RANBP9: variants seen among roughly 807,000 people sequenced by gnomAD.
RANBP9 encodes ran-binding protein 9.
A neutral mutation model predicts 84.3 loss-of-function variants in RANBP9; 15 were observed. The observed-to-expected ratio is 0.18, with a 90% confidence interval of 0.12 to 0.27. The LOEUF (loss-of-function observed/expected upper bound fraction) is 0.27, where lower values mean the gene tolerates loss of function less well. RANBP9 is among the 10% of genes least tolerant of loss of function. The probability of loss-of-function intolerance (pLI) is 1.00; values close to 1 mark genes in which losing one functional copy is unlikely to be tolerated. For synonymous variants in RANBP9, 392 were observed against 349.6 expected (o/e 1.12, Z -1.35); for missense variants, 809 against 912.8 (o/e 0.89, Z 1.46).
At chr6:13,672,015 G>A (rs1022009675) in intron 2 of RANBP9, among the ~76,000 whole-genome samples, 2 of 152,062 alleles carry the variant, frequency 1.3e-5, no homozygotes, top group Non-Finnish European at 2.9e-5. Flanking sequence ...GCCAATAACT[G>A]GAAGGAACAC....
intron 4 of RANBP9, 45 bp from the exon 5 acceptor site, chr6:13,652,726 C>T: frequency 6.7e-7 from 1 of 1,502,124 alleles, no homozygotes; most frequent in Non-Finnish European, 9.1e-7. Context: ...TTTTTCAAAG[C>T]AGACTATACT....
chr6:13,686,725 G>A (rs1341918649), intron 2 of RANBP9, among the ~76,000 whole-genome samples: 2 of 152,168 alleles, frequency 1.3e-5, no homozygotes, highest in Non-Finnish European at 2.9e-5. Flanking sequence ...AATTGGCAGT[G>A]TATTACTTTT....
At chr6:13,623,085 A>T (rs1370601668) in intron 13 of RANBP9, among the ~76,000 whole-genome samples, 1 of 152,176 alleles carries the variant, frequency 6.6e-6, no homozygotes, top group Non-Finnish European at 1.5e-5. Flanking sequence ...TCAGACATTT[A>T]AAAAAATGCC....
intron 2 of RANBP9, among the ~76,000 whole-genome samples, chr6:13,677,329 T>A (rs1034911659): frequency 5.9e-5 from 9 of 152,092 alleles, no homozygotes; most frequent in African/African-American, 2.2e-4. Context: ...ACTATAAAAC[T>A]GCTGAAATAC....
rs376904858 is a variant in RANBP9 at position 13,710,954 on chromosome 6, G to A, written c.552C>T (p.Asn184=). The A allele has an allele frequency of 7.5e-6, 12 of 1,609,266 alleles. No homozygotes were observed. In the South Asian group the frequency reaches 8.9e-5, roughly 12 times the overall value. ...KFSYIGLSQN[N]LRVHYKGHGK... ...CAGTACCTTTGTAGTGCACCCGCAG[G>A]TTGTTCTGAGAGAGGCCGATGTAGC... The change falls in exon 1 of 14, where the codon AAC becomes AAT. Residue 184 remains asparagine (N), a synonymous_variant. Coordinates refer to ENST00000011619, the MANE Select transcript of RANBP9 (RefSeq NM_005493.3).
At chr6:13,694,420 T>G (rs1211297510) in intron 2 of RANBP9, among the ~76,000 whole-genome samples, 1 of 152,202 alleles carries the variant, frequency 6.6e-6, no homozygotes, top group Admixed American at 6.5e-5. Flanking sequence ...AACTATATGA[T>G]TCCATTTATA....
At chr6:13,636,843 C>G (rs536342972) in intron 10 of RANBP9, among the ~76,000 whole-genome samples, 2 of 152,180 alleles carry the variant, frequency 1.3e-5, no homozygotes, top group East Asian at 1.9e-4. Context: ...AGATTAATCT[C>G]CCAATTTTCA....
intron 4 of RANBP9, among the ~76,000 whole-genome samples, chr6:13,654,474 T>G (rs1183017206): frequency 6.6e-6 from 1 of 152,218 alleles, no homozygotes; most frequent in African/African-American, 2.4e-5. Flanking sequence ...TCTGAAAATC[T>G]TCCATGAGAC....
chr6:13,666,600 CAAAAAAAAAAAAAA>C (rs70989878), intron 2 of RANBP9, among the ~76,000 whole-genome samples: 4 of 43,670 alleles, frequency 9.2e-5, no homozygotes, highest in Admixed American at 7.1e-4. Context: ...CCCGTCTCTC[CAAAAAAAAAAAAAA>C]AAAAAAAAAA....
intron 2 of RANBP9, among the ~76,000 whole-genome samples, chr6:13,695,210 C>G (rs367889405): frequency 4.7e-4 from 71 of 151,970 alleles, no homozygotes; most frequent in East Asian, 7.7e-4. Context: ...TACTAAGAAC[C>G]CTGACAACAG....
At chr6:13,658,269 T>C (rs1201335006) in intron 3 of RANBP9, among the ~76,000 whole-genome samples, 4 of 129,582 alleles carry the variant, frequency 3.1e-5, no homozygotes, top group African/African-American at 1.1e-4. Context: ...GCATGATATA[T>C]ATACTATATG....
At position 13,625,661 on chromosome 6, in the gene RANBP9, G is replaced by A. The variant is rs2127758269; in HGVS notation, c.2051C>T (p.Ala684Val). ...TATTTGGCTTTACTTACCTAATATT[G>A]CACTGTTAAGAGCTGAGCACACAGG... ...REPVCSALNSAILETHNLPKQ... is the reference protein window; with the variant it reads ...REPVCSALNSVILETHNLPKQ... Residue 684 changes from alanine to valine, a missense_variant, in exon 13 of 14, where the codon GCA (alanine) becomes GTA (valine). By Grantham distance (64) the Ala-to-Val change is moderately conservative. Around this residue, in one of 5 missense-constraint regions of RANBP9, gnomAD observed 233 missense variants for 234.4 expected, o/e 0.99. Transcript: ENST00000011619. The A allele has an allele frequency of 6.2e-7, 1 of 1,602,628 alleles. No individual in the cohort carries two copies. Among genetic ancestry groups the A allele is most frequent in the East Asian group, 2.2e-5 (1 of 44,796 alleles).
At chr6:13,706,624 C>A (rs1002890698) in intron 1 of RANBP9, among the ~76,000 whole-genome samples, 3 of 149,112 alleles carry the variant, frequency 2.0e-5, no homozygotes, top group East Asian at 4.0e-4. Flanking sequence ...ACCCGGGAGG[C>A]GGAGGTTGCA....
chr6:13,623,815 CTATT>C (rs770737480), intron 13 of RANBP9, among the ~76,000 whole-genome samples: 16 of 152,102 alleles, frequency 1.1e-4, no homozygotes, highest in African/African-American at 3.4e-4. Flanking sequence ...AGATTAAGCA[CTATT>C]TATGGCTGAA....
intron 2 of RANBP9, among the ~76,000 whole-genome samples, chr6:13,677,115 G>T (rs920752731): frequency 7.9e-5 from 12 of 152,002 alleles, no homozygotes; most frequent in Admixed American, 5.9e-4. Flanking sequence ...CAACATCAAA[G>T]AATTGACAGA....
At chr6:13,673,835 C>A (rs1414365161) in intron 2 of RANBP9, among the ~76,000 whole-genome samples, 1 of 152,146 alleles carries the variant, frequency 6.6e-6, no homozygotes, top group African/African-American at 2.4e-5. Context: ...TGCCTGTAAT[C>A]CCTTCAGAAG....
At chr6:13,691,270 TAATA>T (rs1464933163) in intron 2 of RANBP9, among the ~76,000 whole-genome samples, 1 of 152,182 alleles carries the variant, frequency 6.6e-6, no homozygotes, top group African/African-American at 2.4e-5. Context: ...TATTTAGTCC[TAATA>T]AATTTATTTA....
intron 1 of RANBP9, among the ~76,000 whole-genome samples, chr6:13,710,070 C>T (rs895950527): frequency 6.6e-6 from 1 of 152,066 alleles, no homozygotes; most frequent in African/African-American, 2.4e-5. Context: ...CATAGCAATT[C>T]ATAATTTTAT....
chr6:13,625,723 G>C lies in RANBP9; in HGVS notation c.1989C>G (p.Ser663Arg). 14 of 1,612,956 alleles carry C rather than the reference G, an allele frequency of 8.7e-6. No individual in the cohort carries two copies. Among genetic ancestry groups the C allele is most frequent in the Non-Finnish European group, 1.2e-5 (14 of 1,179,004 alleles). The change falls in exon 13 of 14, where the codon AGC becomes AGG. Residue 663 changes from serine to arginine, a missense_variant. This residue lies in a region of RANBP9 where 233 missense variants were observed against 234.4 expected (regional missense o/e 0.99). Transcript: ENST00000011619. ...SLLAYSDPWN[S>R]PVGNQLDPIQ... Reference sequence around the variant, plus strand: ...TCGGGTCAAGCTGATTTCCAACTGGGCTGTTCCAGGGATCTGAATATGCTA... The same window carrying C: ...TCGGGTCAAGCTGATTTCCAACTGGCCTGTTCCAGGGATCTGAATATGCTA...
Sources: allele counts gnomAD v4.1 joint callset (sites outside exome capture counted in the v4.1 genomes callset), GRCh38; gene constraint gnomAD v4.1.1; regional missense constraint gnomAD v4.1.1; transcripts MANE v1.5; gene names NCBI Gene and HGNC (gene_info 2026-07-23, HGNC 2026-07-21).